The following SETX variants were observed in gnomAD, a reference collection of about 807,000 sequenced individuals.
The protein encoded by SETX is senataxin.
Under a neutral mutation model 227.2 loss-of-function variants are expected in SETX, and 90 were observed. The observed-to-expected ratio is 0.40, with a 90% CI of 0.33 to 0.47. SETX has a LOEUF of 0.47. Among genes scored for constraint, SETX ranks in the 20% least tolerant of loss-of-function variants. SETX has a pLI of 0.91. For synonymous variants in SETX, 1,210 were observed against 1,113.2 expected, an observed-to-expected ratio of 1.09 and a Z score of -1.73; for missense variants, 3,052 against 3,181.5, an observed-to-expected ratio of 0.96 and a Z score of 0.98.
At chr9:132,340,018 TTTC>T (rs1407341130) in intron 5 of SETX, among the ~76,000 whole-genome samples, 5 of 152,156 alleles carry the variant, frequency 3.3e-5, no homozygotes, top group African/African-American at 1.2e-4. Context: ...TCTTTTAGCT[TTTC>T]TTTTTATATT....
intron 15 of SETX, among the ~76,000 whole-genome samples, chr9:132,291,068 CTTA>C (rs1844268341): frequency 6.7e-6 from 1 of 148,932 alleles, no homozygotes; most frequent in South Asian, 2.1e-4. Context: ...AAATGAATGG[CTTA>C]TTTTTAGTTA....
chr9:132,264,997 G>A lies in SETX; in HGVS notation c.7288-12C>T, dbSNP rs1842569018. On this transcript the variant is annotated splice_polypyrimidine_tract_variant and intron_variant, in intron 25 of 25. Transcript: ENST00000224140. ...CAATGCTGGTTTTCCTTGAAACAAT[G>A]AGAAGGGAGAAATAATTACACCCCA... The A allele has an allele frequency of 1.2e-6, 2 of 1,611,816 alleles. No individual in the cohort carries two copies. Among genetic ancestry groups the A allele is most frequent in the East Asian group, 4.5e-5 (2 of 44,886 alleles).
At chr9:132,355,290 G>A (rs1848855855), upstream of SETX, among the ~76,000 whole-genome samples, 1 of 152,180 alleles carries the variant, frequency 6.6e-6, no homozygotes, top group Admixed American at 6.5e-5. Flanking sequence ...TCCGGGATGA[G>A]CTCTGCTGCG....
intron 2 of SETX, among the ~76,000 whole-genome samples, chr9:132,351,202 G>GT (rs1488658219): frequency 2.0e-5 from 3 of 152,074 alleles, no homozygotes; most frequent in Non-Finnish European, 2.9e-5. Flanking sequence ...CTTAGAAGAC[G>GT]TAAGAACAGA....
At chr9:132,292,314 A>T (rs1257519671) in intron 15 of SETX, among the ~76,000 whole-genome samples, 1 of 151,028 alleles carries the variant, frequency 6.6e-6, no homozygotes, top group Non-Finnish European at 1.5e-5. Flanking sequence ...CTGCAGATCC[A>T]GCTACTTGGG....
rs751685994 is a variant in SETX, at chr9:132,342,639, A to G, written c.498+51T>C. 25 of 1,212,948 alleles carry G rather than the reference A, an allele frequency of 2.1e-5. No individual in the cohort carries two copies. In the South Asian group the frequency reaches 2.9e-4, roughly 14 times the overall value. 75.1% of individuals were successfully genotyped at this position (1,212,948 alleles called of 1,614,324 possible). A position where few individuals can be genotyped will look rare whatever the true frequency, so the allele number is the denominator to read the frequency against. Reference sequence around the variant, plus strand: ...CCAAAAACCGCTATTATAGCTATCTATAGGTACAAAAGCACAATATACCCT... The same window carrying G: ...CCAAAAACCGCTATTATAGCTATCTGTAGGTACAAAAGCACAATATACCCT... On this transcript the variant is annotated intron_variant, in intron 5 of 25. Coordinates refer to ENST00000224140, the MANE Select transcript of SETX (RefSeq NM_015046.7).
At chr9:132,315,197 G>A (rs1188669004) in intron 10 of SETX, among the ~76,000 whole-genome samples, 4 of 152,140 alleles carry the variant, frequency 2.6e-5, no homozygotes, top group East Asian at 3.8e-4. Context: ...GATTACAGGC[G>A]TGAGCCACTG....
rs767477356 is a variant in SETX, at chr9:132,281,469, T to C, written c.6652A>G (p.Met2218Val). Residue 2218 changes from methionine (M) to valine (V), a missense_variant and splice_region_variant, in exon 20 of 26, where the codon ATG (methionine) becomes GTG (valine). Met to Val is a conservative substitution (Grantham distance 21). Around this residue, in one of 10 missense-constraint regions of SETX, gnomAD observed 412 missense variants for 589.0 expected, o/e 0.70. Transcript: ENST00000224140. ...CAATCTGAACATAAAAAACTTACCA[T>C]AGAGATGACTGTCGGAGGGAGCTGC... is the stretch of plus-strand genomic sequence containing the variant. ...PKQLPPTVIS[M>V]KAQEYGYDQS... 1.2e-5 allele frequency: 20 copies of C among 1,609,916 alleles called. No homozygotes were observed. The highest frequency in any genetic ancestry group is 3.3e-5 in the South Asian group (3 of 90,992).
At chr9:132,342,594 C>G in intron 5 of SETX, 96 bp downstream of exon 5, 1 of 974,314 alleles carries the variant, frequency 1.0e-6, no homozygotes, top group Non-Finnish European at 1.7e-6. Flanking sequence ...TTTTAGCAAA[C>G]ATTTTAAACA....
intron 12 of SETX, 90 bp from the exon 13 acceptor site, chr9:132,298,402 C>A: frequency 9.1e-7 from 1 of 1,093,850 alleles, no homozygotes; most frequent in South Asian, 1.3e-5. Flanking sequence ...GTATTTTTAA[C>A]ATATTTTTGG....
At chr9:132,349,230 T>C (rs764664267) in intron 3 of SETX, 22 bp downstream of exon 3, 20 of 1,611,440 alleles carry the variant, frequency 1.2e-5, no homozygotes, top group South Asian at 2.2e-5. Flanking sequence ...CTGAAAAATA[T>C]TGCCCATCTA....
At chr9:132,295,559 G>A (rs1052880243) in intron 15 of SETX, among the ~76,000 whole-genome samples, 1 of 152,116 alleles carries the variant, frequency 6.6e-6, no homozygotes, top group Non-Finnish European at 1.5e-5. Context: ...AACTGAATCA[G>A]GGTCCCCCTA....
rs1847041973 is a variant in SETX, at chr9:132,329,000, C to G, written c.2598G>C (p.Glu866Asp). ...CTAATTCTTCATTCTTTAATTGTTT[C>G]TCTTTTGGCAATACATTGTTTTGAG... The part of the protein sequence containing the change: ...QKSQNNVLPK[E>D]KQLKNEELVI... Residue 866 changes from glutamate (E) to aspartate (D), a missense_variant, in exon 10 of 26, where the codon GAG becomes GAC. This residue lies in a region of SETX where 1,483 missense variants were observed against 1,312.0 expected (regional missense o/e 1.13). Transcript: ENST00000224140. 1.9e-6 allele frequency: 3 copies of G among 1,606,732 alleles called. No homozygotes were observed. The highest frequency in any genetic ancestry group is 1.3e-5 in the African/African-American group (1 of 74,772).
At position 132,261,936 on chromosome 9, in the gene SETX, C is replaced by T. The variant is rs1221965010; in HGVS notation, c.*2303G>A. The T allele has an allele frequency of 3.2e-5, 5 of 154,568 alleles. No individual in the cohort carries two copies. The highest frequency in any genetic ancestry group is 3.9e-4 in the East Asian group (2 of 5,194). The allele number at this position is 154,568 out of a possible 1,614,324, so 9.6% of individuals were successfully genotyped here. Reference sequence around the variant, plus strand: ...TAAAAAGAATAGCCCTGTTCAACAACGCTGCGCTGACAGCCACATCAGGAG... The same window carrying T: ...TAAAAAGAATAGCCCTGTTCAACAATGCTGCGCTGACAGCCACATCAGGAG... On this transcript the variant is annotated 3_prime_UTR_variant, in exon 26 of 26. Transcript: ENST00000224140.
Position 132,262,664 on chromosome 9 carries a change from G to A in SETX, c.*1575C>T, listed in dbSNP as rs975324283. 2 of 152,666 alleles carry A rather than the reference G, an allele frequency of 1.3e-5. No homozygotes were observed. The highest frequency in any genetic ancestry group is 4.8e-5 in the African/African-American group (2 of 41,460). 9.5% of individuals were successfully genotyped at this position (152,666 alleles called of 1,614,324 possible). ...GTTGACCGTCTGGACACCAGTGAGG[G>A]AGACACAGGTAATGAAATCAAATGC... On this transcript the variant is annotated 3_prime_UTR_variant, in exon 26 of 26. Transcript: ENST00000224140.
chr9:132,316,920 T>C (rs190859210), intron 10 of SETX, among the ~76,000 whole-genome samples: 55 of 152,342 alleles, frequency 3.6e-4, no homozygotes, highest in African/African-American at 9.9e-4. Flanking sequence ...TTATAATAGA[T>C]TTTGCTTTTC....
chr9:132,286,023 C>A lies in SETX; in HGVS notation c.6396+400G>T, dbSNP rs559546273. ...CACGGTGAAACCCCGTCTCTACTAA[C>A]AATGCAAAAATTAGCTGGGCGTGGT... On this transcript the variant is annotated intron_variant, in intron 18 of 25. Transcript: ENST00000224140. 4.9e-3 allele frequency among the ~76,000 whole-genome samples: 713 copies of A among 144,902 alleles called. 4 individuals carry two copies. Among genetic ancestry groups the A allele is most frequent in the African/African-American group, 0.018 (682 of 38,844 alleles).
Position 132,349,449 on chromosome 9 carries a change from AGAT to A in SETX, c.-7-17_-7-15del. 3 of 1,614,068 alleles carry A rather than the reference AGAT, an allele frequency of 1.9e-6. No individual in the cohort carries two copies. Among genetic ancestry groups the A allele is most frequent in the Non-Finnish European group, 2.5e-6 (3 of 1,179,978 alleles). On this transcript the variant is annotated splice_polypyrimidine_tract_variant and intron_variant, in intron 2 of 25. Coordinates refer to ENST00000224140, the MANE Select transcript of SETX (RefSeq NM_015046.7). ...CTCATTCTGTACCTACAGCCAGAAA[AGAT>A]GACATCAAGAAGAAAACCAACTTCA...
rs1355909107 is a variant in SETX, at chr9:132,328,899, G to C, written c.2699C>G (p.Thr900Arg). Reference sequence around the variant, plus strand: ...CTTCTCTGAAGCATTGGTCATTTCTGTAAAAGGGATCAATTCTTTACCATC... The same window carrying C: ...CTTCTCTGAAGCATTGGTCATTTCTCTAAAAGGGATCAATTCTTTACCATC... ...HVDGKELIPF[T>R]EMTNASEKKS... The change falls in exon 10 of 26, where the codon ACA becomes AGA. Residue 900 changes from threonine (T) to arginine (R), a missense_variant. Transcript: ENST00000224140. 1 of 1,613,772 alleles carries C rather than the reference G, an allele frequency of 6.2e-7. No homozygotes were observed. The highest frequency in any genetic ancestry group is 1.3e-5 in the African/African-American group (1 of 74,920).
Sources: allele counts gnomAD v4.1 joint callset (sites outside exome capture counted in the v4.1 genomes callset), GRCh38; gene constraint gnomAD v4.1.1; regional missense constraint gnomAD v4.1.1; transcripts MANE v1.5; gene names NCBI Gene and HGNC (gene_info 2026-07-23, HGNC 2026-07-21).